Variants in TFE3 observed in about 807,000 individuals in gnomAD.
TFE3 encodes transcription factor binding to IGHM enhancer 3, also known as transcription factor E3.
Under a neutral mutation model 35.0 loss-of-function variants are expected in TFE3, and 5 were observed. The observed-to-expected ratio is 0.14, with a 90% confidence interval of 0.07 to 0.30. The LOEUF (loss-of-function observed/expected upper bound fraction) is 0.30, where lower values mean the gene tolerates loss of function less well. Among genes scored for constraint, TFE3 ranks in the 10% least tolerant of loss-of-function variants. The pLI is 1.00. For synonymous variants in TFE3, 211 were observed against 215.6 expected, an observed-to-expected ratio of 0.98 and a Z score of 0.18; for missense variants, 374 against 496.6, an observed-to-expected ratio of 0.75 and a Z score of 2.35.
intron 2 of TFE3, chrX:49,039,851 G>A (rs781789461): frequency 8.3e-6 from 1 of 119,811 alleles, no homozygotes; most frequent in Non-Finnish European, 1.7e-5. Context: ...GGCGTCAGGT[G>A]ATAGGAGAAG....
chrX:49,039,787 A>G, intron 2 of TFE3: 1 of 137,748 alleles, frequency 7.3e-6, no homozygotes, highest in South Asian at 2.8e-4. Flanking sequence ...GTGGATACAG[A>G]GGGCTCCTAA....
In TFE3 at chrX:49,030,607, A is replaced by G; in HGVS notation, c.1285-6T>C. On this transcript the variant is annotated splice_polypyrimidine_tract_variant and splice_region_variant and intron_variant, in intron 9 of 9. Coordinates refer to ENST00000315869, the MANE Select transcript of TFE3 (RefSeq NM_006521.6). ...TGGGCCTGCAGTTCTAGTTCCTGTAAAAAATAGGGGTTGGGTGCAGGATAA... is the reference window on the plus strand; with the variant it reads ...TGGGCCTGCAGTTCTAGTTCCTGTAGAAAATAGGGGTTGGGTGCAGGATAA... 1.7e-6 allele frequency: 2 copies of G among 1,197,096 alleles called. No homozygotes were observed. Among genetic ancestry groups the G allele is most frequent in the Non-Finnish European group, 2.3e-6 (2 of 884,951 alleles).
chrX:49,037,385 T>C (rs1359108859), intron 5 of TFE3, among the ~76,000 whole-genome samples: 1 of 110,780 alleles, frequency 9.0e-6, no homozygotes, highest in Non-Finnish European at 1.9e-5. Flanking sequence ...CTGAATCCCT[T>C]GGTACATTCA....
intron 2 of TFE3, chrX:49,039,835 G>T (rs1381838549): frequency 8.4e-6 from 1 of 119,469 alleles, no homozygotes; most frequent in Non-Finnish European, 1.7e-5. Context: ...TGAGCTCCTG[G>T]GGGTGGGCGT....
chrX:49,032,269 C>G (rs1569521061), intron 8 of TFE3, among the ~76,000 whole-genome samples: 1 of 111,177 alleles, frequency 9.0e-6, no homozygotes, highest in Non-Finnish European at 1.9e-5. Context: ...GAGTCTCGCT[C>G]TGTCACCCAG....
At chrX:49,039,535 A>G in intron 2 of TFE3, 125 bp from the exon 3 acceptor site, 16 of 772,097 alleles carry the variant, frequency 2.1e-5, no homozygotes, top group Non-Finnish European at 2.8e-5. Flanking sequence ...CCGAGGCCAC[A>G]ATGTAGAAGC....
Position 49,032,731 on chromosome X carries a change from G to T in TFE3, c.1136+734C>A, listed in dbSNP as rs188457910. Among the ~76,000 whole-genome samples the T allele has an allele frequency of 7.4e-5, 8 of 107,568 alleles. No homozygotes were observed. The Admixed American group carries it at 8.1e-4, about 11-fold the overall frequency. The allele number at this position is 107,568 out of a possible 115,157, so 93.4% of individuals were successfully genotyped here. ...GCTCTGTCACCCAGGCTGGAGTGCA[G>T]TGGCACCATATTGGCTCACTGCAAC... On this transcript the variant is annotated intron_variant, in intron 8 of 9. Transcript: ENST00000315869.
chrX:49,029,961 C>T lies in TFE3; in HGVS notation c.*197G>A, dbSNP rs1376759295. 11 of 522,569 alleles carry T rather than the reference C, an allele frequency of 2.1e-5. No individual in the cohort carries two copies. The highest frequency in any genetic ancestry group is 2.7e-5 in the South Asian group (1 of 37,202). 43.1% of individuals were successfully genotyped at this position (522,569 alleles called of 1,213,427 possible). ...CTGAAATACCTGCACTGGGCGGTTC[C>T]TTTGGGGAAGGTGCAGGGCCTCATC... On this transcript the variant is annotated 3_prime_UTR_variant, in exon 10 of 10. Transcript: ENST00000315869.
At chrX:49,037,795 C>A (rs2147775167) in intron 5 of TFE3, 1 of 406,239 alleles carries the variant, frequency 2.5e-6, no homozygotes, top group Non-Finnish European at 4.3e-6. Context: ...AACTCCCCAC[C>A]TGTATCTCTC....
chrX:49,029,459 C>T lies in TFE3; in HGVS notation c.*699G>A. 3.9e-6 allele frequency: 1 copy of T among 258,127 alleles called. No individual in the cohort carries two copies. The allele number at this position is 258,127 out of a possible 1,213,427, so 21.3% of individuals were successfully genotyped here. A position where few individuals can be genotyped will look rare whatever the true frequency, so the allele number is the denominator to read the frequency against. On this transcript the variant is annotated 3_prime_UTR_variant, in exon 10 of 10. Transcript: ENST00000315869. ...GACAAGGGTGGGGCTGTGATCTCCA[C>T]AAGCACTAGCGGTGGCCTGGTCCTA...
intron 8 of TFE3, among the ~76,000 whole-genome samples, chrX:49,032,305 G>C (rs1311104237): frequency 1.8e-5 from 2 of 111,021 alleles, no homozygotes; most frequent in Admixed American, 1.9e-4. Flanking sequence ...CACAATCTTG[G>C]CTCACTACAA....
In TFE3 at chrX:49,033,791, G is replaced by T. The variant is rs1160892402; in HGVS notation, c.1004-9C>A. On this transcript the variant is annotated splice_polypyrimidine_tract_variant and intron_variant, in intron 6 of 9. Coordinates refer to ENST00000315869, the MANE Select transcript of TFE3 (RefSeq NM_006521.6). ...GGCCTTTGCCTCGGTCTCTGGAAAA[G>T]AGTGGAGTGATCAGGGCCTCTGAGC... 1 of 1,211,247 alleles carries T rather than the reference G, an allele frequency of 8.3e-7. No homozygotes were observed. The highest frequency in any genetic ancestry group is 1.1e-6 in the Non-Finnish European group (1 of 894,974).
intron 3 of TFE3, 76 bp downstream of exon 3, chrX:49,039,031 G>A (rs970424621): frequency 9.7e-7 from 1 of 1,033,128 alleles, no homozygotes; most frequent in Non-Finnish European, 1.3e-6. Flanking sequence ...CCAGTGCATC[G>A]AGGCCATCCC....
chrX:49,040,829 C>G (rs2064756981), intron 1 of TFE3, among the ~76,000 whole-genome samples: 1 of 108,043 alleles, frequency 9.3e-6, no homozygotes, highest in Non-Finnish European at 1.9e-5. Flanking sequence ...AACCCCCACA[C>G]TGTAACAACC....
At chrX:49,030,634 T>C (rs1396151263) in intron 9 of TFE3, 33 bp from the exon 10 acceptor site, 1 of 1,140,043 alleles carries the variant, frequency 8.8e-7, no homozygotes, top group African/African-American at 1.8e-5. Flanking sequence ...GCAGGATAAG[T>C]AGGGTTCAGA....
chrX:49,034,781 T>TCACTCTGATCAAGTTGTACCATCTTC (rs1295049968), intron 5 of TFE3, among the ~76,000 whole-genome samples: 3 of 112,038 alleles, frequency 2.7e-5, no homozygotes, highest in Non-Finnish European at 5.6e-5. Flanking sequence ...CTCCAGTCTT[T>TCACTCTGATCAAGTTGTACCATCTTC]CACTCTGATC....
rs1557075019 is a variant in TFE3 at position 49,038,015 on chromosome X, T to A, written c.880A>T (p.Ser294Cys). The change falls in exon 5 of 10, where the codon AGC becomes TGC. Residue 294 changes from serine to cysteine, a missense_variant. Ser to Cys is a moderately radical substitution (Grantham distance 112). This residue lies in a region of TFE3 where 167 missense variants were observed against 297.2 expected (regional missense o/e 0.56). Coordinates refer to ENST00000315869, the MANE Select transcript of TFE3 (RefSeq NM_006521.6). ...PGGTTGLQLP[S>C]TLPVSGNLLD... ...CTCCCATCTCAGGGCCTCACCGTGCTGGGGAGCTGCAGTCCTGTGGTGCCT... is the reference window on the plus strand; with the variant it reads ...CTCCCATCTCAGGGCCTCACCGTGCAGGGGAGCTGCAGTCCTGTGGTGCCT... The A allele has an allele frequency of 2.5e-6, 3 of 1,197,605 alleles. No individual in the cohort carries two copies. Among genetic ancestry groups the A allele is most frequent in the Non-Finnish European group, 3.4e-6 (3 of 888,222 alleles).
chrX:49,034,897 G>C (rs1557074384), intron 5 of TFE3, among the ~76,000 whole-genome samples: 1 of 110,963 alleles, frequency 9.0e-6, no homozygotes, highest in Non-Finnish European at 1.9e-5. Context: ...TGCACATTCT[G>C]TTCTCTCAGG....
rs782584186 is a variant in TFE3, at chrX:49,030,827, C to T, written c.1285-226G>A. On this transcript the variant is annotated intron_variant, in intron 9 of 9. Transcript: ENST00000315869. ...CCCCTAGGCTGGGCGCGGTGGCTCACGCCTGTAATCACTTTGGGAGGCCGA... is the reference window on the plus strand; with the variant it reads ...CCCCTAGGCTGGGCGCGGTGGCTCATGCCTGTAATCACTTTGGGAGGCCGA... Among the ~76,000 whole-genome samples the T allele has an allele frequency of 3.4e-3, 378 of 111,270 alleles. 1 individual carries two copies. The highest frequency in any genetic ancestry group is 0.012 in the African/African-American group (357 of 30,628).
Sources: gnomAD v4.1 joint callset for allele counts (sites outside exome capture counted in the v4.1 genomes callset) on GRCh38, gnomAD v4.1.1 for gene constraint, gnomAD v4.1.1 regional missense constraint, MANE v1.5 for transcripts, NCBI Gene and HGNC (gene_info 2026-07-23, HGNC 2026-07-21) for gene names.